The following AKAP6 variants were observed in gnomAD, a reference collection of about 807,000 sequenced individuals.
The protein encoded by AKAP6 is A-kinase anchoring protein 6, also known as A-kinase anchor protein 6.
AKAP6 carries 58 observed loss-of-function variants against 188.5 expected under a neutral mutation model. The ratio of observed to expected loss-of-function variants is 0.31; its 90% CI spans 0.25 to 0.38. The LOEUF (loss-of-function observed/expected upper bound fraction) is 0.38, where lower values mean the gene tolerates loss of function less well. Among genes scored for constraint, AKAP6 ranks in the 10% least tolerant of loss-of-function variants. The probability of loss-of-function intolerance (pLI) is 1.00; values close to 1 mark genes in which losing one functional copy is unlikely to be tolerated. For missense variants in AKAP6, 2,710 were observed against 2,740.0 expected (o/e 0.99, Z 0.24); for synonymous variants, 989 against 998.6 (o/e 0.99, Z 0.18).
At chr14:32,765,723 A>AT (rs2032696329) in intron 11 of AKAP6, among the ~76,000 whole-genome samples, 1 of 151,786 alleles carries the variant, frequency 6.6e-6, no homozygotes, top group Non-Finnish European at 1.5e-5. Context: ...AAAAAAAAAA[A>AT]ACCTACAAGT....
At chr14:32,795,695 C>G (rs1481192987) in intron 12 of AKAP6, among the ~76,000 whole-genome samples, 1 of 152,110 alleles carries the variant, frequency 6.6e-6, no homozygotes, top group Non-Finnish European at 1.5e-5. Context: ...TGGGCAAAAG[C>G]TGGAAGCATT....
intron 12 of AKAP6, among the ~76,000 whole-genome samples, chr14:32,780,780 A>G (rs549305326): frequency 6.6e-6 from 1 of 152,188 alleles, no homozygotes; most frequent in Non-Finnish European, 1.5e-5. Context: ...TTAAGTTAAA[A>G]TAACTCATGT....
chr14:32,766,900 A>G (rs2032735486), intron 11 of AKAP6, among the ~76,000 whole-genome samples: 1 of 152,064 alleles, frequency 6.6e-6, no homozygotes, highest in Non-Finnish European at 1.5e-5. Context: ...CATGATGAAT[A>G]TTTACCTCTA....
chr14:32,708,134 C>G (rs1890890615), intron 9 of AKAP6, among the ~76,000 whole-genome samples: 1 of 151,914 alleles, frequency 6.6e-6, no homozygotes, highest in Admixed American at 6.6e-5. Context: ...AAATGTGAAA[C>G]CTAAAAATCA....
intron 7 of AKAP6, among the ~76,000 whole-genome samples, chr14:32,642,099 A>G (rs1428098913): frequency 6.6e-6 from 1 of 152,188 alleles, no homozygotes; most frequent in Non-Finnish European, 1.5e-5. Flanking sequence ...TAATCTAATA[A>G]CTAGCATATC....
At chr14:32,625,644 T>C (rs1025288006) in intron 7 of AKAP6, among the ~76,000 whole-genome samples, 1 of 122,922 alleles carries the variant, frequency 8.1e-6, no homozygotes, top group African/African-American at 4.0e-5. Flanking sequence ...ATATATTTTA[T>C]ACAAATAAAA....
intron 2 of AKAP6, among the ~76,000 whole-genome samples, chr14:32,501,498 G>A (rs1880607548): frequency 1.3e-5 from 2 of 152,036 alleles, no homozygotes; most frequent in African/African-American, 4.8e-5. Context: ...ACGTTCCATT[G>A]GCCAGTATTT....
chr14:32,430,872 C>T (rs1017814583), intron 1 of AKAP6, among the ~76,000 whole-genome samples: 7 of 151,936 alleles, frequency 4.6e-5, no homozygotes, highest in South Asian at 2.1e-4. Context: ...TTTGGGAGGC[C>T]GAGGTGGGCG....
chr14:32,701,259 G>T (rs1285757678), intron 9 of AKAP6, among the ~76,000 whole-genome samples: 1 of 152,068 alleles, frequency 6.6e-6, no homozygotes, highest in Non-Finnish European at 1.5e-5. Context: ...ACTAGAAGTT[G>T]CATCTGTAAG....
intron 2 of AKAP6, among the ~76,000 whole-genome samples, chr14:32,501,106 C>G (rs951709989): frequency 2.6e-5 from 4 of 151,984 alleles, no homozygotes; most frequent in African/African-American, 9.7e-5. Flanking sequence ...ATCATACTTG[C>G]GATTTTTAAA....
intron 1 of AKAP6, among the ~76,000 whole-genome samples, chr14:32,426,896 T>A (rs956796747): frequency 1.3e-5 from 2 of 152,058 alleles, no homozygotes; most frequent in African/African-American, 4.8e-5. Flanking sequence ...ATTGATTAAG[T>A]GTGTTATGGT....
At chr14:32,781,137 G>A (rs1003256837) in intron 12 of AKAP6, among the ~76,000 whole-genome samples, 1 of 151,840 alleles carries the variant, frequency 6.6e-6, no homozygotes, top group African/African-American at 2.4e-5. Flanking sequence ...AAAAATCAAT[G>A]AAATGAAAAT....
intron 11 of AKAP6, among the ~76,000 whole-genome samples, chr14:32,767,713 A>C (rs765865807): frequency 1.3e-5 from 2 of 151,974 alleles, no homozygotes; most frequent in Non-Finnish European, 2.9e-5. Context: ...CACCTTTCTT[A>C]CCTTCAGCAA....
At chr14:32,683,203 A>C (rs866549259) in intron 8 of AKAP6, among the ~76,000 whole-genome samples, 1 of 152,050 alleles carries the variant, frequency 6.6e-6, no homozygotes. Flanking sequence ...CATGTTGCCC[A>C]GGTTAGTCTC....
chr14:32,587,698 A>G lies in AKAP6; in HGVS notation c.2469+10456A>G, dbSNP rs531975342. 5.3e-5 allele frequency among the ~76,000 whole-genome samples: 8 copies of G among 152,316 alleles called. No individual in the cohort carries two copies. The East Asian group carries it at 1.5e-3, about 29-fold the overall frequency. On this transcript the variant is annotated intron_variant, in intron 5 of 13. Transcript: ENST00000280979. Reference sequence around the variant, plus strand: ...TCACTCTTTTCTAGTCAGAAATCTCATGACCAACATGTTTTGTCTGTCCTA... The same window carrying G: ...TCACTCTTTTCTAGTCAGAAATCTCGTGACCAACATGTTTTGTCTGTCCTA...
At chr14:32,462,916 A>AAAAAAAAAAAAAAAAAAAAAAAC (rs1891389540) in intron 2 of AKAP6, among the ~76,000 whole-genome samples, 2 of 93,810 alleles carry the variant, frequency 2.1e-5, no homozygotes, top group Admixed American at 1.1e-4. Context: ...AAAAAAAAAA[A>AAAAAAAAAAAAAAAAAAAAAAAC]AAAAAAAAAA....
chr14:32,409,711 T>C (rs1020281193), intron 1 of AKAP6, among the ~76,000 whole-genome samples: 5 of 152,196 alleles, frequency 3.3e-5, no homozygotes, highest in African/African-American at 9.7e-5. Flanking sequence ...CTCTTCTAAT[T>C]TGAAACTGAC....
At chr14:32,560,702 G>A (rs1036517450) in intron 4 of AKAP6, among the ~76,000 whole-genome samples, 2 of 152,012 alleles carry the variant, frequency 1.3e-5, no homozygotes, top group African/African-American at 2.4e-5. Flanking sequence ...TCAACATTGC[G>A]TTTTTATTAT....
intron 2 of AKAP6, among the ~76,000 whole-genome samples, chr14:32,437,781 G>A (rs1423841946): frequency 6.6e-6 from 1 of 152,116 alleles, no homozygotes; most frequent in Non-Finnish European, 1.5e-5. Flanking sequence ...ATTTTGTGTA[G>A]TAGAGATGGG....
Sources: allele counts gnomAD v4.1 joint callset (sites outside exome capture counted in the v4.1 genomes callset), GRCh38; gene constraint gnomAD v4.1.1; transcripts MANE v1.5; gene names NCBI Gene and HGNC (gene_info 2026-07-23, HGNC 2026-07-21).